The following KAT6A variants were observed in gnomAD, a reference collection of about 807,000 sequenced individuals.
The protein encoded by KAT6A is lysine acetyltransferase 6A.
Under a neutral mutation model 198.4 loss-of-function variants are expected in KAT6A, and 9 were observed. That is an observed-to-expected ratio of 0.05 (90% CI 0.03 to 0.08). The LOEUF (loss-of-function observed/expected upper bound fraction) is 0.08. KAT6A is among the 10% of genes least tolerant of loss of function. KAT6A has a pLI of 1.00. For synonymous variants in KAT6A, 890 were observed against 883.0 expected (o/e 1.01, Z -0.14); for missense variants, 2,077 against 2,509.9 (o/e 0.83, Z 3.69).
intron 2 of KAT6A, among the ~76,000 whole-genome samples, chr8:41,998,034 C>T (rs935657301): frequency 1.3e-5 from 2 of 151,984 alleles, no homozygotes; most frequent in Non-Finnish European, 2.9e-5. Flanking sequence ...ACGAGTATTG[C>T]TAGGTTGTCA....
In KAT6A at chr8:41,934,051, G is replaced by A. The variant is rs1821712862; in HGVS notation, c.4169C>T (p.Ala1390Val). The A allele has an allele frequency of 6.2e-7, 1 of 1,614,058 alleles. No individual in the cohort carries two copies. Among genetic ancestry groups the A allele is most frequent in the Non-Finnish European group, 8.5e-7 (1 of 1,180,004 alleles). ...TTCTTCGTGGTCGTCCTCAGACCCA[G>A]CCATCTGCTCTGACACCACGGACGT... is the stretch of plus-strand genomic sequence containing the variant. ...HDTSVVSEQM[A>V]GSEDDHEEDS... The change falls in exon 17 of 17, where the codon GCT (alanine) becomes GTT (valine). Residue 1390 changes from alanine (A) to valine (V), a missense_variant. Physicochemically the swap from Ala to Val is moderately conservative, Grantham distance 64. Coordinates refer to ENST00000265713, the MANE Select transcript of KAT6A (RefSeq NM_006766.5).
chr8:42,031,531 T>C (rs1827124184), intron 2 of KAT6A, among the ~76,000 whole-genome samples: 1 of 151,610 alleles, frequency 6.6e-6, no homozygotes, highest in African/African-American at 2.4e-5. Flanking sequence ...TAGAAAGTGC[T>C]GCAAGCTGGA....
At chr8:41,966,926 C>T (rs1250409023) in intron 8 of KAT6A, among the ~76,000 whole-genome samples, 4 of 152,176 alleles carry the variant, frequency 2.6e-5, no homozygotes, top group Non-Finnish European at 5.9e-5. Context: ...CAGGAAGTCA[C>T]TGAACTAATA....
chr8:42,012,077 A>G (rs1469240140), intron 2 of KAT6A, among the ~76,000 whole-genome samples: 1 of 152,230 alleles, frequency 6.6e-6, no homozygotes, highest in Non-Finnish European at 1.5e-5. Context: ...TATCTATTAG[A>G]ACGGCTTTTT....
At chr8:42,024,848 T>C (rs534278888) in intron 2 of KAT6A, among the ~76,000 whole-genome samples, 4 of 152,340 alleles carry the variant, frequency 2.6e-5, no homozygotes, top group African/African-American at 9.6e-5. Flanking sequence ...ATTTAACAAC[T>C]CATAGATACT....
At chr8:41,984,844 G>T (rs374491301) in intron 3 of KAT6A, among the ~76,000 whole-genome samples, 34 of 151,894 alleles carry the variant, frequency 2.2e-4, no homozygotes, top group African/African-American at 7.7e-4. Context: ...TTAGCCGGGC[G>T]TGGTGGCAGG....
In KAT6A at chr8:41,933,733, G is replaced by A. The variant is rs755558674; in HGVS notation, c.4487C>T (p.Ser1496Leu). 5 of 1,614,016 alleles carry A rather than the reference G, an allele frequency of 3.1e-6. No individual in the cohort carries two copies. The highest frequency in any genetic ancestry group is 3.3e-5 in the Admixed American group (2 of 60,004). ...VQSHPSQSVR[S>L]VSSPNVPALE... ...GGCAGGCACGTTGGGACTGCTGACCGAACGGACTGACTGGCTGGGGTGAGA... is the reference window on the plus strand; with the variant it reads ...GGCAGGCACGTTGGGACTGCTGACCAAACGGACTGACTGGCTGGGGTGAGA... Residue 1496 changes from serine (S) to leucine (L), a missense_variant, in exon 17 of 17, where the codon TCG (serine) becomes TTG (leucine). Physicochemically the swap from Ser to Leu is moderately radical, Grantham distance 145. Transcript: ENST00000265713. The surrounding 1 kb of genome is among the most constrained non-coding windows in gnomAD (Gnocchi z 6.2).
chr8:41,989,338 G>A, intron 2 of KAT6A, among the ~76,000 whole-genome samples: 1 of 152,022 alleles, frequency 6.6e-6, no homozygotes, highest in East Asian at 1.9e-4. Context: ...GTGAAACCCT[G>A]TCTCTATTAA....
intron 5 of KAT6A, among the ~76,000 whole-genome samples, chr8:41,979,951 AT>A (rs1358189750): frequency 6.7e-6 from 1 of 150,168 alleles, no homozygotes; most frequent in Non-Finnish European, 1.5e-5. Context: ...GTGAGCCAAG[AT>A]CCTGGGCGAC....
In KAT6A at chr8:41,932,300, C is replaced by T; in HGVS notation, c.5920G>A (p.Gly1974Arg). The change falls in exon 17 of 17, where the codon GGG becomes AGG. Residue 1974 changes from glycine to arginine, a missense_variant. This residue lies in a region of KAT6A where 500 missense variants were observed against 577.2 expected (regional missense o/e 0.87). Coordinates refer to ENST00000265713, the MANE Select transcript of KAT6A (RefSeq NM_006766.5). ...TQQPMQPNPH[G>R]NMMYTGPSHH... ...GAGGGGCCTGTGTACATCATGTTCCCATGAGGGTTAGGCTGCATAGGCTGC... is the reference window on the plus strand; with the variant it reads ...GAGGGGCCTGTGTACATCATGTTCCTATGAGGGTTAGGCTGCATAGGCTGC... The T allele has an allele frequency of 6.2e-7, 1 of 1,614,194 alleles. No individual in the cohort carries two copies. The highest frequency in any genetic ancestry group is 8.5e-7 in the Non-Finnish European group (1 of 1,180,036).
At chr8:41,993,749 T>C (rs538095898) in intron 2 of KAT6A, among the ~76,000 whole-genome samples, 2 of 152,364 alleles carry the variant, frequency 1.3e-5, no homozygotes, top group African/African-American at 2.4e-5. Context: ...TTTTCTTTAA[T>C]TTATTGGTCA....
At chr8:42,017,657 TAAG>T (rs1487994957) in intron 2 of KAT6A, among the ~76,000 whole-genome samples, 1 of 152,130 alleles carries the variant, frequency 6.6e-6, no homozygotes, top group Non-Finnish European at 1.5e-5. Flanking sequence ...GGCAGAGGGT[TAAG>T]AAGAGCATGG....
At chr8:42,024,647 C>T (rs1277986983) in intron 2 of KAT6A, among the ~76,000 whole-genome samples, 1 of 152,078 alleles carries the variant, frequency 6.6e-6, no homozygotes, top group Non-Finnish European at 1.5e-5. Context: ...CATGAGTCAA[C>T]TGTTTTTACT....
At position 42,049,252 on chromosome 8, in the gene KAT6A, T is replaced by C. The variant is rs1802475125; in HGVS notation, c.-275A>G. 1 of 392,538 alleles carries C rather than the reference T, an allele frequency of 2.5e-6. No homozygotes were observed. The highest frequency in any genetic ancestry group is 7.1e-5 in the South Asian group (1 of 13,990). 24.3% of individuals were successfully genotyped at this position (392,538 alleles called of 1,614,324 possible). A position where few individuals can be genotyped will look rare whatever the true frequency, so the allele number is the denominator to read the frequency against. ...GGTCTCGTCATAAAGTTGTAAGAAC[T>C]CAAGAATATTTCATTCCCGGCTCCA... is the stretch of plus-strand genomic sequence containing the variant. On this transcript the variant is annotated 5_prime_UTR_variant, in exon 2 of 17. The change abolishes the stop of an existing upstream ORF in the 5' untranslated region. Coordinates refer to ENST00000265713, the MANE Select transcript of KAT6A (RefSeq NM_006766.5).
intron 11 of KAT6A, among the ~76,000 whole-genome samples, 155 bp from the exon 12 acceptor site, chr8:41,946,839 A>G (rs1395797016): frequency 1.3e-5 from 2 of 152,170 alleles, no homozygotes; most frequent in African/African-American, 4.8e-5. Flanking sequence ...CTGGGAGAAG[A>G]TAGGATAATG....
intron 2 of KAT6A, among the ~76,000 whole-genome samples, chr8:42,036,691 A>G (rs921001116): frequency 2.6e-5 from 4 of 152,168 alleles, no homozygotes; most frequent in Non-Finnish European, 4.4e-5. Context: ...AGAATGTGCC[A>G]TAAGGCCAAG....
At chr8:42,019,282 A>C (rs1019843624) in intron 2 of KAT6A, among the ~76,000 whole-genome samples, 5 of 152,146 alleles carry the variant, frequency 3.3e-5, no homozygotes, top group African/African-American at 1.2e-4. Context: ...ACTCCAAGAA[A>C]ATTTTAAGAT....
chr8:42,003,656 T>A (rs1278881182), intron 2 of KAT6A, among the ~76,000 whole-genome samples: 1 of 152,004 alleles, frequency 6.6e-6, no homozygotes, highest in Non-Finnish European at 1.5e-5. Context: ...CTTCAGGAGG[T>A]CATTGTTACA....
At chr8:42,011,457 G>T (rs776001394) in intron 2 of KAT6A, among the ~76,000 whole-genome samples, 9 of 152,128 alleles carry the variant, frequency 5.9e-5, no homozygotes, top group Non-Finnish European at 7.3e-5. Flanking sequence ...CACTACTTCG[G>T]CCGGGTGCGG....
Sources: allele counts gnomAD v4.1 joint callset (sites outside exome capture counted in the v4.1 genomes callset), GRCh38; gene constraint gnomAD v4.1.1; regional missense constraint gnomAD v4.1.1; non-coding constraint Gnocchi (gnomAD v3.1); transcripts MANE v1.5; gene names NCBI Gene and HGNC (gene_info 2026-07-23, HGNC 2026-07-21).